The following GALNT2 variants were observed in gnomAD, a reference collection of about 807,000 sequenced individuals.
GALNT2 encodes UDP-GalNAc:polypeptide N-acetylgalactosaminyltransferase 2.
Under a neutral mutation model 81.4 loss-of-function variants are expected in GALNT2, and 31 were observed. The observed-to-expected ratio is 0.38, with a 90% confidence interval of 0.29 to 0.51. GALNT2 has a LOEUF of 0.51. Ranked by LOEUF, GALNT2 falls within the 20% of genes least tolerant of loss-of-function variation. The probability of loss-of-function intolerance (pLI) is 0.87; values close to 1 mark genes in which losing one functional copy is unlikely to be tolerated. For missense variants in GALNT2, 629 were observed against 765.7 expected, an observed-to-expected ratio of 0.82 and a Z score of 2.11; for synonymous variants, 303 against 287.4, an observed-to-expected ratio of 1.05 and a Z score of -0.55.
At chr1:230,177,138 G>A (rs573181551) in intron 1 of GALNT2, among the ~76,000 whole-genome samples, 1 of 152,364 alleles carries the variant, frequency 6.6e-6, no homozygotes, top group African/African-American at 2.4e-5. Context: ...GTTGCATTTG[G>A]AAAAAATGTG....
chr1:230,160,900 AT>A (rs1300071521), intron 1 of GALNT2, among the ~76,000 whole-genome samples: 1 of 152,126 alleles, frequency 6.6e-6, no homozygotes, highest in Admixed American at 6.6e-5. Context: ...ATAGTACTAG[AT>A]TTTGCTCCAT....
In GALNT2 at chr1:230,265,387, A is replaced by C; in HGVS notation, c.1440+20A>C. 2 of 1,614,142 alleles carry C rather than the reference A, an allele frequency of 1.2e-6. No homozygotes were observed. The highest frequency in any genetic ancestry group is 1.7e-6 in the Non-Finnish European group (2 of 1,179,996). ...AACCAGGTATGTGCATGGGGAAGCC[A>C]GGTCACCTGCAGGCCCAGAGAGAGC... On this transcript the variant is annotated intron_variant, in intron 14 of 15. Transcript: ENST00000366672.
chr1:230,242,082 C>T (rs988518324), intron 6 of GALNT2, among the ~76,000 whole-genome samples: 7 of 152,156 alleles, frequency 4.6e-5, no homozygotes, highest in Admixed American at 2.0e-4. Context: ...ACTCTCTATC[C>T]TCTAACAACT....
intron 13 of GALNT2, chr1:230,263,761 C>T (rs1665949958): frequency 2.6e-5 from 4 of 152,254 alleles, no homozygotes; most frequent in Admixed American, 1.3e-4. Flanking sequence ...ATTCCTTATT[C>T]TAAATATTCC....
At chr1:230,173,298 C>T (rs768418091) in intron 1 of GALNT2, among the ~76,000 whole-genome samples, 8 of 152,150 alleles carry the variant, frequency 5.3e-5, no homozygotes, top group Non-Finnish European at 1.2e-4. Context: ...AGGGCAGCAG[C>T]GTTCTCCTGT....
intron 3 of GALNT2, among the ~76,000 whole-genome samples, chr1:230,220,983 C>A (rs1664529319): frequency 6.6e-6 from 1 of 152,160 alleles, no homozygotes. Context: ...CTGGTTTTTT[C>A]TTTAAAGAAA....
chr1:230,253,355 C>T (rs1228166787), intron 10 of GALNT2, among the ~76,000 whole-genome samples: 2 of 152,084 alleles, frequency 1.3e-5, no homozygotes, highest in Non-Finnish European at 2.9e-5. Context: ...GTTCTGACCC[C>T]TGTGTTGTAT....
intron 3 of GALNT2, among the ~76,000 whole-genome samples, chr1:230,203,543 G>A (rs901098013): frequency 1.3e-5 from 2 of 152,206 alleles, no homozygotes; most frequent in Admixed American, 6.5e-5. Context: ...TGGCCAGAGC[G>A]TGGAAGTCAG....
chr1:230,265,102 A>G, intron 13 of GALNT2, 139 bp from the exon 14 acceptor site: 2 of 1,038,910 alleles, frequency 1.9e-6, no homozygotes, highest in Non-Finnish European at 2.9e-6. Flanking sequence ...TACCTGTGGT[A>G]GGAAGAGGCA....
At chr1:230,168,336 C>T (rs987858546) in intron 1 of GALNT2, among the ~76,000 whole-genome samples, 3 of 152,186 alleles carry the variant, frequency 2.0e-5, no homozygotes, top group Non-Finnish European at 2.9e-5. Flanking sequence ...AAGCTGCATG[C>T]GAGTGGCATC....
At chr1:230,091,522 T>C (rs1660081159) in intron 1 of GALNT2, 1 of 152,244 alleles carries the variant, frequency 6.6e-6, no homozygotes, top group Non-Finnish European at 1.5e-5. Flanking sequence ...TACCCTCTCC[T>C]TAGGGTAGTG....
chr1:230,217,395 G>A (rs920154432), intron 3 of GALNT2, among the ~76,000 whole-genome samples: 1 of 152,206 alleles, frequency 6.6e-6, no homozygotes, highest in Non-Finnish European at 1.5e-5. Context: ...AAGAGGTAGT[G>A]TGCCAGGCCT....
chr1:230,130,600 C>A (rs1206453559), intron 1 of GALNT2, among the ~76,000 whole-genome samples: 1 of 152,196 alleles, frequency 6.6e-6, no homozygotes, highest in Non-Finnish European at 1.5e-5. Context: ...TGGGGACCGA[C>A]CCCTGTGTCT....
chr1:230,085,277 C>T (rs886744487), intron 1 of GALNT2, among the ~76,000 whole-genome samples: 12 of 152,160 alleles, frequency 7.9e-5, no homozygotes, highest in Admixed American at 6.5e-5. Context: ...CTAAGGAATC[C>T]GGGAGTGGCC....
At chr1:230,126,197 G>C (rs1661170936) in intron 1 of GALNT2, among the ~76,000 whole-genome samples, 2 of 152,230 alleles carry the variant, frequency 1.3e-5, no homozygotes, top group Non-Finnish European at 2.9e-5. Flanking sequence ...ATGGTGATGG[G>C]AACTTCCCAG....
intron 3 of GALNT2, among the ~76,000 whole-genome samples, chr1:230,206,541 G>T (rs1664063069): frequency 6.6e-6 from 1 of 152,164 alleles, no homozygotes; most frequent in South Asian, 2.1e-4. Context: ...TACCATTCTT[G>T]TTGAATGTCA....
chr1:230,201,152 A>C (rs1663880950), intron 2 of GALNT2, among the ~76,000 whole-genome samples: 1 of 152,112 alleles, frequency 6.6e-6, no homozygotes, highest in African/African-American at 2.4e-5. Context: ...TGCACGGAAA[A>C]CATGTTTCCA....
At chr1:230,192,940 A>G (rs1663575142) in intron 2 of GALNT2, among the ~76,000 whole-genome samples, 1 of 152,200 alleles carries the variant, frequency 6.6e-6, no homozygotes, top group South Asian at 2.1e-4. Flanking sequence ...AAATGGATCT[A>G]TTTGTTTGTA....
chr1:230,239,226 A>G (rs963647792), intron 6 of GALNT2, among the ~76,000 whole-genome samples: 2 of 151,996 alleles, frequency 1.3e-5, no homozygotes, highest in African/African-American at 4.8e-5. Context: ...GACGCTGTTC[A>G]TTTTTTAAAA....
Sources: gnomAD v4.1 joint callset for allele counts (sites outside exome capture counted in the v4.1 genomes callset) on GRCh38, gnomAD v4.1.1 for gene constraint, MANE v1.5 for transcripts, NCBI Gene and HGNC (gene_info 2026-07-23, HGNC 2026-07-21) for gene names.